Variants in AFF3 observed in about 807,000 individuals in gnomAD.
The protein encoded by AFF3 is AF4/FMR2 family member 3.
A neutral mutation model predicts 129.7 loss-of-function variants in AFF3; 32 were observed. That is an observed-to-expected ratio of 0.25 (90% CI 0.19 to 0.33). The LOEUF is 0.33. Ranked by LOEUF, AFF3 falls within the 10% of genes least tolerant of loss-of-function variation. The pLI, the probability that AFF3 is intolerant of heterozygous loss-of-function variation, is 1.00. For synonymous variants in AFF3, 644 were observed against 635.4 expected (o/e 1.01, Z -0.20); for missense variants, 1,373 against 1,592.0 (o/e 0.86, Z 2.34).
At chr2:100,101,242 C>A (rs1258816164) in intron 4 of AFF3, among the ~76,000 whole-genome samples, 1 of 152,158 alleles carries the variant, frequency 6.6e-6, no homozygotes, top group Non-Finnish European at 1.5e-5. Flanking sequence ...TTATATTCAA[C>A]AGAACTGAGC....
At chr2:99,632,726 T>TG in intron 13 of AFF3, among the ~76,000 whole-genome samples, 1 of 152,276 alleles carries the variant, frequency 6.6e-6, no homozygotes, top group African/African-American at 2.4e-5. Flanking sequence ...GTAATCAAGG[T>TG]GGAGACAGTT....
intron 11 of AFF3, among the ~76,000 whole-genome samples, chr2:99,710,317 G>A (rs1198508552): frequency 1.3e-5 from 2 of 152,032 alleles, no homozygotes; most frequent in Admixed American, 6.6e-5. Context: ...GCAGTGTTGC[G>A]ATCTTGGGTC....
chr2:100,072,374 C>T (rs1222422336), intron 4 of AFF3, among the ~76,000 whole-genome samples: 1 of 152,150 alleles, frequency 6.6e-6, no homozygotes, highest in South Asian at 2.1e-4. Flanking sequence ...GAAACCATCC[C>T]CACCCTCACC....
At chr2:100,035,674 G>A (rs903306574) in intron 4 of AFF3, among the ~76,000 whole-genome samples, 2 of 152,116 alleles carry the variant, frequency 1.3e-5, no homozygotes, top group Admixed American at 6.5e-5. Context: ...TATATCCTCA[G>A]TACCTAGCAG....
intron 13 of AFF3, among the ~76,000 whole-genome samples, chr2:99,614,425 A>G (rs1357179212): frequency 2.0e-5 from 3 of 152,342 alleles, no homozygotes; most frequent in African/African-American, 4.8e-5. Flanking sequence ...TTACACAGAC[A>G]TATCAGGGAG....
intron 8 of AFF3, among the ~76,000 whole-genome samples, chr2:99,830,866 G>A (rs149799108): frequency 1.0e-3 from 154 of 152,346 alleles, no homozygotes; most frequent in African/African-American, 3.6e-3. Context: ...TTGAAGATTT[G>A]TATGTTAGAA....
intron 8 of AFF3, among the ~76,000 whole-genome samples, chr2:99,781,480 G>A (rs1043502814): frequency 6.6e-6 from 1 of 152,224 alleles, no homozygotes; most frequent in Non-Finnish European, 1.5e-5. Flanking sequence ...GCAAAACAAT[G>A]GCTGCCAGGC....
At chr2:99,559,863 C>T (rs1675309249) in intron 21 of AFF3, among the ~76,000 whole-genome samples, 1 of 152,242 alleles carries the variant, frequency 6.6e-6, no homozygotes, top group Non-Finnish European at 1.5e-5. Flanking sequence ...TGTATTCTAT[C>T]AACATTCTCT....
intron 13 of AFF3, among the ~76,000 whole-genome samples, chr2:99,643,984 G>A (rs536717627): frequency 3.9e-4 from 60 of 152,322 alleles, no homozygotes; most frequent in African/African-American, 1.4e-3. Context: ...GGCAACACTC[G>A]TCTGGCTGGT....
chr2:99,727,085 C>A lies in AFF3; in HGVS notation c.1083G>T (p.Ser361=). 1 of 1,605,440 alleles carries A rather than the reference C, an allele frequency of 6.2e-7. No homozygotes were observed. The highest frequency in any genetic ancestry group is 1.1e-5 in the South Asian group (1 of 88,732). Residue 361 remains serine, a synonymous_variant, in exon 11 of 25, where the codon TCG becomes TCT. Coordinates refer to ENST00000672756, the MANE Select transcript of AFF3 (RefSeq NM_001386135.1). ...AAATGAAAGAAACTTACGATGTATT[C>A]GATGTGCCATTGTCTGGACTCTCTG... ...AEPESPDNGT[S]NTSMLEDDLK...
intron 8 of AFF3, among the ~76,000 whole-genome samples, chr2:99,818,181 T>C (rs1333782430): frequency 6.6e-6 from 1 of 152,208 alleles, no homozygotes; most frequent in Admixed American, 6.5e-5. Flanking sequence ...GAAATGTTTA[T>C]TGTAGCATTT....
chr2:99,810,586 C>T (rs1386351587), intron 8 of AFF3, among the ~76,000 whole-genome samples: 1 of 152,142 alleles, frequency 6.6e-6, no homozygotes, highest in African/African-American at 2.4e-5. Flanking sequence ...GGCTTTAGGG[C>T]CTTTTAAAGT....
At chr2:99,807,135 T>C (rs954949008) in intron 8 of AFF3, among the ~76,000 whole-genome samples, 38 of 152,180 alleles carry the variant, frequency 2.5e-4, no homozygotes, top group African/African-American at 9.2e-4. Context: ...AAGTTGCTGT[T>C]CCCATGTTCA....
At position 99,551,465 on chromosome 2, in the gene AFF3, G is replaced by A. The variant is rs1338295972; in HGVS notation, c.*9C>T. ...GACCAGAGCCCACTCTGGCCCCAGG[G>A]TGAGGTCCCTATGACAGGTGGGCGC... On this transcript the variant is annotated 3_prime_UTR_variant, in exon 25 of 25. Coordinates refer to ENST00000672756, the MANE Select transcript of AFF3 (RefSeq NM_001386135.1). 6.2e-7 allele frequency: 1 copy of A among 1,613,994 alleles called. No homozygotes were observed. The highest frequency in any genetic ancestry group is 2.2e-5 in the East Asian group (1 of 44,870).
At chr2:99,722,951 C>T (rs1301807077) in intron 11 of AFF3, among the ~76,000 whole-genome samples, 1 of 152,316 alleles carries the variant, frequency 6.6e-6, no homozygotes, top group East Asian at 1.9e-4. Flanking sequence ...AGTTCTCACT[C>T]TTTCAAGGAT....
At chr2:100,000,210 A>G (rs1681250879) in intron 7 of AFF3, among the ~76,000 whole-genome samples, 1 of 152,340 alleles carries the variant, frequency 6.6e-6, no homozygotes, top group Non-Finnish European at 1.5e-5. Flanking sequence ...ACATTTTAAT[A>G]CTTGTCCTCA....
At chr2:99,633,054 G>T (rs766915392) in intron 13 of AFF3, among the ~76,000 whole-genome samples, 12 of 151,716 alleles carry the variant, frequency 7.9e-5, no homozygotes, top group African/African-American at 2.9e-4. Context: ...CTAGAGACAC[G>T]GGCTATTTGG....
chr2:100,000,419 G>A (rs1681274326), intron 7 of AFF3, among the ~76,000 whole-genome samples: 1 of 152,124 alleles, frequency 6.6e-6, no homozygotes, highest in Non-Finnish European at 1.5e-5. Context: ...CTCAGGATTT[G>A]TGATATTAAT....
At position 99,752,252 on chromosome 2, in the gene AFF3, A is replaced by G. The variant is rs1357567360; in HGVS notation, c.971T>C (p.Val324Ala). 1 of 1,614,092 alleles carries G rather than the reference A, an allele frequency of 6.2e-7. No individual in the cohort carries two copies. Among genetic ancestry groups the G allele is most frequent in the Admixed American group, 1.7e-5 (1 of 60,028 alleles). Residue 324 changes from valine (V) to alanine (A), a missense_variant, in exon 9 of 25, where the codon GTG becomes GCG. Transcript: ENST00000672756. Reference sequence around the variant, plus strand: ...TGGAAATGGAAATTTGGTTGGTTCCACTTTGCCAGGTGCTTGAATAGCAGA... The same window carrying G: ...TGGAAATGGAAATTTGGTTGGTTCCGCTTTGCCAGGTGCTTGAATAGCAGA... Reference protein sequence around the residue: ...PLSAIQAPGKVEPTKFPFPNK... With the variant: ...PLSAIQAPGKAEPTKFPFPNK...
Sources: allele counts gnomAD v4.1 joint callset (sites outside exome capture counted in the v4.1 genomes callset), GRCh38; gene constraint gnomAD v4.1.1; transcripts MANE v1.5; gene names NCBI Gene and HGNC (gene_info 2026-07-23, HGNC 2026-07-21).